Variants in GRM7 observed in about 807,000 individuals in gnomAD.
The protein encoded by GRM7 is metabotropic glutamate receptor 7.
Under a neutral mutation model 84.5 loss-of-function variants are expected in GRM7, and 35 were observed. That is an observed-to-expected ratio of 0.41 (90% CI 0.32 to 0.55). The LOEUF (loss-of-function observed/expected upper bound fraction) is 0.55, where lower values mean the gene tolerates loss of function less well. GRM7 is among the 20% of genes least tolerant of loss of function. GRM7 has a pLI of 0.19. For missense variants in GRM7, 1,003 were observed against 1,194.6 expected, an observed-to-expected ratio of 0.84 and a Z score of 2.36; for synonymous variants, 487 against 455.1, an observed-to-expected ratio of 1.07 and a Z score of -0.89.
intron 1 of GRM7, among the ~76,000 whole-genome samples, chr3:7,036,635 G>A (rs767084720): frequency 6.6e-5 from 10 of 151,928 alleles, no homozygotes; most frequent in South Asian, 2.1e-4. Context: ...GGTTTTTTTC[G>A]TTAAAATTAT....
chr3:7,722,507 A>G (rs1701985864), intron 9 of GRM7, among the ~76,000 whole-genome samples: 1 of 146,228 alleles, frequency 6.8e-6, no homozygotes, highest in Non-Finnish European at 1.5e-5. Flanking sequence ...TGCAGTGGCG[A>G]TCTCAGCTCA....
At chr3:7,115,520 G>C (rs1183047912) in intron 1 of GRM7, among the ~76,000 whole-genome samples, 1 of 152,106 alleles carries the variant, frequency 6.6e-6, no homozygotes, top group Non-Finnish European at 1.5e-5. Context: ...ATATTGACAA[G>C]AGCCTTTTTC....
At chr3:7,584,892 T>C (rs1466207932) in intron 8 of GRM7, among the ~76,000 whole-genome samples, 2 of 152,220 alleles carry the variant, frequency 1.3e-5, no homozygotes, top group Non-Finnish European at 2.9e-5. Context: ...TTTAATCTAT[T>C]TTATCAACAA....
Position 7,740,510 on chromosome 3 carries a change from G to A in GRM7, c.*104G>A. On this transcript the variant is annotated 3_prime_UTR_variant, in exon 10 of 10. Coordinates refer to ENST00000357716, the MANE Select transcript of GRM7 (RefSeq NM_000844.4). The stretch of plus-strand genomic sequence containing the variant: ...TCCTACCCGCTTCCCATCACCGGAG[G>A]AGCTTCCCCGGCCGGGAGACCAGTG... The A allele has an allele frequency of 1.6e-6, 1 of 615,702 alleles. No homozygotes were observed. The highest frequency in any genetic ancestry group is 2.8e-6 in the Non-Finnish European group (1 of 358,938). 38.1% of individuals were successfully genotyped at this position (615,702 alleles called of 1,614,324 possible). A position where few individuals can be genotyped will look rare whatever the true frequency, so the allele number is the denominator to read the frequency against.
chr3:7,282,887 A>G (rs779314289), intron 2 of GRM7, among the ~76,000 whole-genome samples: 3 of 152,202 alleles, frequency 2.0e-5, no homozygotes, highest in Non-Finnish European at 2.9e-5. Flanking sequence ...GGACCAGAGG[A>G]ATTTACATTT....
intron 4 of GRM7, among the ~76,000 whole-genome samples, chr3:7,407,002 GTAGAAAGGCAAGAGAT>G (rs1383374330): frequency 1.3e-5 from 2 of 152,190 alleles, no homozygotes; most frequent in African/African-American, 4.8e-5. Flanking sequence ...AGGAGGAAGG[GTAGAAAGGCAAGAGAT>G]TAGAAAGGCA....
chr3:7,027,699 C>A (rs2124922247), intron 1 of GRM7, among the ~76,000 whole-genome samples: 1 of 152,270 alleles, frequency 6.6e-6, no homozygotes, highest in Middle Eastern at 3.4e-3. Context: ...AAATATTTTT[C>A]TTTGAATTTA....
At chr3:7,462,864 G>A (rs200218595) in intron 7 of GRM7, among the ~76,000 whole-genome samples, 75 of 152,226 alleles carry the variant, frequency 4.9e-4, no homozygotes, top group African/African-American at 1.4e-3. Flanking sequence ...AACAGGTACC[G>A]TCCATGGCTT....
chr3:7,058,004 C>T (rs1173679417), intron 1 of GRM7, among the ~76,000 whole-genome samples: 1 of 151,872 alleles, frequency 6.6e-6, no homozygotes, highest in African/African-American at 2.4e-5. Flanking sequence ...TCAGTTTTTT[C>T]TCTCTTGACC....
At chr3:7,287,104 G>C (rs1699458268) in intron 2 of GRM7, among the ~76,000 whole-genome samples, 1 of 152,066 alleles carries the variant, frequency 6.6e-6, no homozygotes, top group African/African-American at 2.4e-5. Flanking sequence ...CATAGATAGA[G>C]ATAAAGAAAG....
chr3:7,030,850 A>C (rs1261563626), intron 1 of GRM7, among the ~76,000 whole-genome samples: 1 of 152,208 alleles, frequency 6.6e-6, no homozygotes, highest in Non-Finnish European at 1.5e-5. Flanking sequence ...AAATTGTCTA[A>C]CATCTATTAT....
At chr3:7,343,229 T>C (rs1260163118) in intron 4 of GRM7, among the ~76,000 whole-genome samples, 2 of 152,084 alleles carry the variant, frequency 1.3e-5, no homozygotes, top group African/African-American at 2.4e-5. Context: ...AGAGGTGTTT[T>C]TTTTCTTCTT....
intron 7 of GRM7, among the ~76,000 whole-genome samples, chr3:7,503,202 A>G (rs1699935694): frequency 6.6e-6 from 1 of 152,168 alleles, no homozygotes. Context: ...GTTCTAAAGG[A>G]TTTCAAAATT....
At chr3:7,554,885 G>A (rs74601351) in intron 7 of GRM7, among the ~76,000 whole-genome samples, 12,496 of 152,252 alleles carry the variant, frequency 0.082, 641 homozygotes, top group South Asian at 0.12. Flanking sequence ...ATGCAGTTCA[G>A]CTGGATGTCT....
rs577096863 is a variant in GRM7, at chr3:7,112,700, C to T, written c.520-33752C>T. 3.9e-5 allele frequency among the ~76,000 whole-genome samples: 6 copies of T among 152,260 alleles called. No homozygotes were observed. In the East Asian group the frequency reaches 1.2e-3, roughly 29 times the overall value. On this transcript the variant is annotated intron_variant, in intron 1 of 9. Coordinates refer to ENST00000357716, the MANE Select transcript of GRM7 (RefSeq NM_000844.4). ...ATCATGGCCATGACTGTCATCACTTCAATTAAGCCATGTGCATGACTAGTG... is the reference window on the plus strand; with the variant it reads ...ATCATGGCCATGACTGTCATCACTTTAATTAAGCCATGTGCATGACTAGTG...
intron 1 of GRM7, among the ~76,000 whole-genome samples, chr3:6,960,291 T>G (rs2125081025): frequency 6.6e-6 from 1 of 152,284 alleles, no homozygotes; most frequent in African/African-American, 2.4e-5. Context: ...GAATTCTTTG[T>G]GGTCCTGATA....
intron 2 of GRM7, among the ~76,000 whole-genome samples, chr3:7,221,804 A>ATTTTT (rs540956206): frequency 1.2e-3 from 117 of 97,318 alleles, no homozygotes; most frequent in Non-Finnish European, 1.5e-3. Context: ...AATTTCTTGT[A>ATTTTT]TTTTTTTTTT....
chr3:7,373,476 C>T (rs1459847845), intron 4 of GRM7, among the ~76,000 whole-genome samples: 2 of 152,140 alleles, frequency 1.3e-5, no homozygotes, highest in Non-Finnish European at 2.9e-5. Context: ...CTTTATCAGT[C>T]TTCTCCAGTT....
intron 7 of GRM7, among the ~76,000 whole-genome samples, chr3:7,472,439 G>T (rs552925298): frequency 1.1e-4 from 17 of 152,294 alleles, no homozygotes; most frequent in African/African-American, 4.1e-4. Flanking sequence ...ACATTTCTGG[G>T]AAGCTTGGAA....
Sources: allele counts gnomAD v4.1 joint callset (sites outside exome capture counted in the v4.1 genomes callset), GRCh38; gene constraint gnomAD v4.1.1; transcripts MANE v1.5; gene names NCBI Gene and HGNC (gene_info 2026-07-23, HGNC 2026-07-21).